POF1B: variants seen among roughly 807,000 people sequenced by gnomAD.
POF1B encodes protein POF1B.
POF1B carries 53 observed loss-of-function variants against 55.3 expected under a neutral mutation model. The ratio of observed to expected loss-of-function variants is 0.96; its 90% CI spans 0.77 to 1.20. The LOEUF (loss-of-function observed/expected upper bound fraction) is 1.20, where lower values mean the gene tolerates loss of function less well. POF1B is among the 50% of genes most tolerant of loss of function. POF1B has a pLI of 0.00. For synonymous variants in POF1B, 188 were observed against 148.3 expected, an observed-to-expected ratio of 1.27 and a Z score of -1.95; for missense variants, 478 against 420.5, an observed-to-expected ratio of 1.14 and a Z score of -1.20.
chrX:85,284,495 A>C (rs1399062167), intron 15 of POF1B, among the ~76,000 whole-genome samples: 1 of 111,792 alleles, frequency 8.9e-6, no homozygotes, highest in African/African-American at 3.3e-5. Flanking sequence ...CCTCAGAAAT[A>C]ATACCACACA....
chrX:85,294,562 A>G (rs1269017843), intron 15 of POF1B, among the ~76,000 whole-genome samples: 1 of 112,111 alleles, frequency 8.9e-6, no homozygotes, highest in Admixed American at 9.5e-5. Context: ...CCCAGGAATG[A>G]AGCCTACTTG....
At chrX:85,369,309 C>T (rs1933781670) in intron 2 of POF1B, among the ~76,000 whole-genome samples, 1 of 110,872 alleles carries the variant, frequency 9.0e-6, no homozygotes, top group South Asian at 3.8e-4. Context: ...GCAGGTTTGG[C>T]CCACAGACCC....
At chrX:85,299,290 C>CTT (rs755021082) in intron 15 of POF1B, among the ~76,000 whole-genome samples, 2 of 62,017 alleles carry the variant, frequency 3.2e-5, no homozygotes, top group East Asian at 5.2e-4. Context: ...CTCCTGTTTT[C>CTT]TTTTTTTTTT....
At chrX:85,352,054 A>G (rs73627356) in intron 4 of POF1B, among the ~76,000 whole-genome samples, 6,524 of 110,629 alleles carry the variant, frequency 0.059, 504 homozygotes, top group African/African-American at 0.2. Flanking sequence ...TTATCTCCAC[A>G]TATTCAACTA....
intron 10 of POF1B, among the ~76,000 whole-genome samples, chrX:85,307,728 A>C (rs1361628897): frequency 8.9e-6 from 1 of 111,931 alleles, no homozygotes; most frequent in African/African-American, 3.2e-5. Flanking sequence ...TAGAAAATGG[A>C]AAAAAATTAA....
At chrX:85,334,703 C>T (rs1273726547) in intron 6 of POF1B, among the ~76,000 whole-genome samples, 1 of 111,230 alleles carries the variant, frequency 9.0e-6, no homozygotes, top group Non-Finnish European at 1.9e-5. Context: ...AAAAGGAAGT[C>T]ATTTCTAAAG....
At position 85,291,999 on chromosome X, in the gene POF1B, T is replaced by A. The variant is rs376137946; in HGVS notation, c.1650-9682A>T. On this transcript the variant is annotated intron_variant, in intron 15 of 16. Transcript: ENST00000262753. ...TCAGTAGGAGTGATGAGAGAGGGCA[T>A]CCTTTTCTTGTGCTGGTTTTCAATG... 1.1e-4 allele frequency among the ~76,000 whole-genome samples: 12 copies of A among 111,127 alleles called. No homozygotes were observed. The East Asian group carries it at 2.9e-3, about 27-fold the overall frequency.
At chrX:85,353,874 G>A (rs1242263967) in intron 4 of POF1B, among the ~76,000 whole-genome samples, 1 of 111,440 alleles carries the variant, frequency 9.0e-6, no homozygotes, top group Non-Finnish European at 1.9e-5. Flanking sequence ...TTTAAAGGAA[G>A]AGTAATTTTC....
chrX:85,312,500 T>C (rs1258194809), intron 9 of POF1B, among the ~76,000 whole-genome samples: 2 of 111,438 alleles, frequency 1.8e-5, no homozygotes, highest in African/African-American at 3.3e-5. Context: ...TGTGGCATTA[T>C]TTCTGAGGCC....
chrX:85,282,143 A>G (rs776191006), intron 16 of POF1B, 60 bp downstream of exon 16: 32 of 1,052,320 alleles, frequency 3.0e-5, no homozygotes, highest in Middle Eastern at 5.8e-4. Flanking sequence ...TTTTACCTCA[A>G]TTTTAAAAGG....
At chrX:85,350,140 G>A (rs374382846) in intron 5 of POF1B, among the ~76,000 whole-genome samples, 17 of 109,909 alleles carry the variant, frequency 1.5e-4, no homozygotes, top group Non-Finnish European at 2.9e-4. Context: ...CCACTAACTC[G>A]TCATTTAGCA....
At chrX:85,315,471 G>C (rs920584373) in intron 8 of POF1B, among the ~76,000 whole-genome samples, 5 of 110,526 alleles carry the variant, frequency 4.5e-5, no homozygotes, top group Non-Finnish European at 9.5e-5. Context: ...AATAAGCATA[G>C]ACAAATCATA....
chrX:85,334,413 A>C (rs775773987), intron 6 of POF1B, among the ~76,000 whole-genome samples: 2 of 111,835 alleles, frequency 1.8e-5, no homozygotes, highest in East Asian at 5.7e-4. Context: ...TGTGCTGAAG[A>C]ATATAAACAT....
chrX:85,315,836 T>G (rs1185924452), intron 7 of POF1B, 102 bp from the exon 8 acceptor site: 1 of 603,718 alleles, frequency 1.7e-6, no homozygotes, highest in African/African-American at 2.4e-5. Context: ...TTTTGAAATA[T>G]AAGAGGACTT....
At chrX:85,302,123 A>G (rs1466035604) in intron 15 of POF1B, among the ~76,000 whole-genome samples, 1 of 111,407 alleles carries the variant, frequency 9.0e-6, no homozygotes, top group Non-Finnish European at 1.9e-5. Context: ...TATATTAAAT[A>G]CTTATGCTGC....
At chrX:85,337,628 C>G (rs1463667344) in intron 6 of POF1B, among the ~76,000 whole-genome samples, 2 of 111,696 alleles carry the variant, frequency 1.8e-5, no homozygotes, top group African/African-American at 6.5e-5. Context: ...ATTGAATGTA[C>G]TGTACAATAG....
At chrX:85,304,713 CTT>C (rs909695568) in intron 13 of POF1B, among the ~76,000 whole-genome samples, 1 of 110,490 alleles carries the variant, frequency 9.1e-6, no homozygotes, top group Non-Finnish European at 1.9e-5. Context: ...ACGTAACAGT[CTT>C]AGGCCACAAA....
At chrX:85,323,634 C>G (rs1450737126) in intron 7 of POF1B, among the ~76,000 whole-genome samples, 1 of 109,094 alleles carries the variant, frequency 9.2e-6, no homozygotes, top group African/African-American at 3.3e-5. Context: ...AAAAAAATGT[C>G]TATCTTTCTC....
intron 7 of POF1B, among the ~76,000 whole-genome samples, chrX:85,321,724 T>G (rs1688695647): frequency 1.0e-5 from 1 of 99,920 alleles, no homozygotes; most frequent in Non-Finnish European, 2.0e-5. Context: ...CTCCTTAAGC[T>G]GATAAGCAAC....
Sources: gnomAD v4.1 joint callset for allele counts (sites outside exome capture counted in the v4.1 genomes callset) on GRCh38, gnomAD v4.1.1 for gene constraint, MANE v1.5 for transcripts, NCBI Gene and HGNC (gene_info 2026-07-23, HGNC 2026-07-21) for gene names.